The following CLINT1 variants were observed in gnomAD, a reference collection of about 807,000 sequenced individuals.
CLINT1 encodes the protein clathrin interactor 1.
Under a neutral mutation model 70.4 loss-of-function variants are expected in CLINT1, and 15 were observed. The ratio of observed to expected loss-of-function variants is 0.21; its 90% CI spans 0.14 to 0.33. The LOEUF (loss-of-function observed/expected upper bound fraction) is 0.33. CLINT1 is among the 10% of genes least tolerant of loss of function. CLINT1 has a pLI of 1.00. For synonymous variants in CLINT1, 227 were observed against 254.7 expected (o/e 0.89, Z 1.04); for missense variants, 615 against 778.1 (o/e 0.79, Z 2.49).
chr5:157,790,805 T>A (rs759841005), intron 10 of CLINT1, among the ~76,000 whole-genome samples: 3 of 152,342 alleles, frequency 2.0e-5, no homozygotes, highest in Admixed American at 6.5e-5. Context: ...GATTTAACTA[T>A]AAAATAGTGA....
chr5:157,798,146 T>C (rs1762117100), intron 8 of CLINT1, among the ~76,000 whole-genome samples: 1 of 152,238 alleles, frequency 6.6e-6, no homozygotes, highest in Non-Finnish European at 1.5e-5. Context: ...CTCCTAAGAC[T>C]ATCCATATCT....
At chr5:157,808,138 T>C (rs921722892) in intron 6 of CLINT1, among the ~76,000 whole-genome samples, 8 of 152,142 alleles carry the variant, frequency 5.3e-5, no homozygotes, top group African/African-American at 1.9e-4. Flanking sequence ...CCACTTCAAA[T>C]ATACAGAGCT....
intron 8 of CLINT1, among the ~76,000 whole-genome samples, chr5:157,798,700 T>C (rs1001926088): frequency 6.6e-6 from 1 of 152,070 alleles, no homozygotes; most frequent in Admixed American, 6.6e-5. Context: ...AACTGGCCTA[T>C]AAAAATATGA....
chr5:157,839,470 AG>A (rs1247357061), intron 1 of CLINT1, among the ~76,000 whole-genome samples: 1 of 151,946 alleles, frequency 6.6e-6, no homozygotes, highest in African/African-American at 2.4e-5. Flanking sequence ...GTGTGGTAGC[AG>A]GCAGGCACCT....
chr5:157,815,971 A>T (rs959680423), intron 3 of CLINT1, among the ~76,000 whole-genome samples: 5 of 152,248 alleles, frequency 3.3e-5, no homozygotes, highest in African/African-American at 1.2e-4. Context: ...ACTTTTAAAA[A>T]GGAGTTTATC....
In CLINT1 at chr5:157,806,022, A is replaced by C. The variant is rs1433591248; in HGVS notation, c.786T>G (p.Ile262Met). Residue 262 changes from isoleucine (I) to methionine (M), a missense_variant, in exon 7 of 12, where the codon ATT becomes ATG. Physicochemically the swap from Ile to Met is conservative, Grantham distance 10. Transcript: ENST00000411809. The part of the protein sequence containing the change: ...DEEETVTTKH[I>M]HITQATETTT... The stretch of plus-strand genomic sequence containing the variant: ...TGGTCTCTGTGGCCTGTGTGATATG[A>C]ATATGCTTTGTCGTCACAGTCTCCT... 1 of 1,613,804 alleles carries C rather than the reference A, an allele frequency of 6.2e-7. No homozygotes were observed. The highest frequency in any genetic ancestry group is 8.5e-7 in the Non-Finnish European group (1 of 1,179,874).
At chr5:157,851,905 A>G (rs577720713) in intron 1 of CLINT1, among the ~76,000 whole-genome samples, 1 of 152,300 alleles carries the variant, frequency 6.6e-6, no homozygotes, top group East Asian at 1.9e-4. Flanking sequence ...ATTTTCAGGC[A>G]AAAGAGCCCT....
At chr5:157,841,763 G>C (rs1374953595) in intron 1 of CLINT1, among the ~76,000 whole-genome samples, 1 of 151,998 alleles carries the variant, frequency 6.6e-6, no homozygotes, top group Non-Finnish European at 1.5e-5. Context: ...TGGGACTATA[G>C]GCGTGCATCA....
intron 3 of CLINT1, 39 bp from the exon 4 acceptor site, chr5:157,814,332 T>C (rs1402048029): frequency 2.2e-6 from 3 of 1,351,810 alleles, no homozygotes; most frequent in Non-Finnish European, 3.1e-6. Context: ...TAATGAAATA[T>C]ATTCTAGTAG....
chr5:157,858,694 T>C (rs931615987), intron 1 of CLINT1, among the ~76,000 whole-genome samples: 13 of 151,734 alleles, frequency 8.6e-5, no homozygotes, highest in African/African-American at 2.7e-4. Flanking sequence ...CGGGAAGGCC[T>C]GGAAAGGAGA....
chr5:157,829,336 A>AT (rs1404353718), intron 1 of CLINT1, among the ~76,000 whole-genome samples: 3 of 152,070 alleles, frequency 2.0e-5, no homozygotes, highest in Non-Finnish European at 2.9e-5. Flanking sequence ...TTCATTTTTA[A>AT]TTTTTTTAAA....
At chr5:157,858,819 TG>T in intron 1 of CLINT1, 110 bp downstream of exon 1, 1 of 1,190,500 alleles carries the variant, frequency 8.4e-7, no homozygotes, top group Admixed American at 2.3e-5. Flanking sequence ...ATGATGGGGC[TG>T]GCAGAGCCAG....
At chr5:157,830,790 CTCTCTCTATA>C (rs1388665232) in intron 1 of CLINT1, among the ~76,000 whole-genome samples, 24 of 124,198 alleles carry the variant, frequency 1.9e-4, no homozygotes, top group African/African-American at 5.7e-4. Context: ...CTCTCTCTCT[CTCTCTCTATA>C]TATATATATA....
intron 9 of CLINT1, among the ~76,000 whole-genome samples, chr5:157,793,084 C>A (rs1024573086): frequency 6.6e-6 from 1 of 152,108 alleles, no homozygotes; most frequent in Non-Finnish European, 1.5e-5. Context: ...TCTTCTATTA[C>A]CATATTAAAA....
chr5:157,829,150 C>T (rs896628622), intron 1 of CLINT1, among the ~76,000 whole-genome samples: 5 of 151,900 alleles, frequency 3.3e-5, no homozygotes, highest in Non-Finnish European at 7.4e-5. Context: ...ACTAAAAAGA[C>T]AGCTTTGGGT....
chr5:157,786,001 T>C lies in CLINT1; in HGVS notation c.*1645A>G, dbSNP rs973691983. 5 of 152,176 alleles carry C rather than the reference T, an allele frequency of 3.3e-5. No individual in the cohort carries two copies. Among genetic ancestry groups the C allele is most frequent in the African/African-American group, 1.2e-4 (5 of 41,444 alleles). 9.4% of individuals were successfully genotyped at this position (152,176 alleles called of 1,614,324 possible). On this transcript the variant is annotated 3_prime_UTR_variant, in exon 12 of 12. Coordinates refer to ENST00000411809, the MANE Select transcript of CLINT1 (RefSeq NM_014666.4). ...AGTCAGCTAATTACACTCACTCTCA[T>C]CTCTTATTCAGCAAATGAATCACTT...
At chr5:157,810,694 CA>C (rs1282197426) in intron 5 of CLINT1, among the ~76,000 whole-genome samples, 40 of 152,124 alleles carry the variant, frequency 2.6e-4, no homozygotes, top group African/African-American at 9.6e-4. Context: ...ACTTAAGAAG[CA>C]ACAGTAGAAG....
intron 1 of CLINT1, among the ~76,000 whole-genome samples, chr5:157,855,076 A>G (rs1003008290): frequency 6.3e-5 from 9 of 143,618 alleles, no homozygotes; most frequent in Non-Finnish European, 1.2e-4. Flanking sequence ...CCCGGGAGGT[A>G]GAGATTGCAG....
chr5:157,812,410 T>G (rs1762591181), intron 5 of CLINT1, among the ~76,000 whole-genome samples: 1 of 152,200 alleles, frequency 6.6e-6, no homozygotes, highest in African/African-American at 2.4e-5. Context: ...CTATTTTGTG[T>G]ATCTGCTTCA....
Sources: gnomAD v4.1 joint callset for allele counts (sites outside exome capture counted in the v4.1 genomes callset) on GRCh38, gnomAD v4.1.1 for gene constraint, MANE v1.5 for transcripts, NCBI Gene and HGNC (gene_info 2026-07-23, HGNC 2026-07-21) for gene names.